RAB27B: variants seen among roughly 807,000 people sequenced by gnomAD.
RAB27B encodes RAB27B, member RAS oncogene family.
RAB27B carries 15 observed loss-of-function variants against 24.6 expected under a neutral mutation model. The observed-to-expected ratio is 0.61, with a 90% confidence interval of 0.41 to 0.94. RAB27B has a LOEUF of 0.94. Among genes scored for constraint, RAB27B ranks in the 40% least tolerant of loss-of-function variants. The pLI is 0.00. For missense variants in RAB27B, 261 were observed against 266.8 expected (o/e 0.98, Z 0.15); for synonymous variants, 105 against 92.5 (o/e 1.14, Z -0.78).
intron 2 of RAB27B, among the ~76,000 whole-genome samples, chr18:54,753,846 C>A (rs1907913276): frequency 6.6e-6 from 1 of 152,056 alleles, no homozygotes; most frequent in South Asian, 2.1e-4. Context: ...AAGTTAATTT[C>A]CAGCCCACCG....
chr18:54,834,600 A>T (rs917050834), intron 1 of RAB27B, among the ~76,000 whole-genome samples: 1 of 151,988 alleles, frequency 6.6e-6, no homozygotes, highest in Non-Finnish European at 1.5e-5. Flanking sequence ...ATAGGTAGAG[A>T]TAGATAAATA....
intron 2 of RAB27B, among the ~76,000 whole-genome samples, chr18:54,786,979 C>T (rs1446116597): frequency 6.6e-6 from 1 of 152,236 alleles, no homozygotes; most frequent in Non-Finnish European, 1.5e-5. Flanking sequence ...TAATAAGACA[C>T]TGAGTTAAGT....
intron 2 of RAB27B, among the ~76,000 whole-genome samples, chr18:54,822,871 C>T (rs545568101): frequency 6.6e-6 from 1 of 152,292 alleles, no homozygotes; most frequent in East Asian, 1.9e-4. Context: ...ATGTGAACAT[C>T]ACTCGTGAAA....
At position 54,895,279 on chromosome 18, in the gene RAB27B, T is replaced by C. The variant is rs570680378; in HGVS notation, c.*5866T>C. On this transcript the variant is annotated 3_prime_UTR_variant, in exon 6 of 6. Transcript: ENST00000262094. ...TATATAGATCTGTTTTGTCTAGTGC[T>C]ATGAATGTAACTTAAAACTATAAAC... 6.6e-6 allele frequency: 1 copy of C among 152,214 alleles called. No individual in the cohort carries two copies. Among genetic ancestry groups the C allele is most frequent in the Admixed American group, 6.6e-5 (1 of 15,260 alleles). The allele number at this position is 152,214 out of a possible 1,614,324, so 9.4% of individuals were successfully genotyped here.
intron 1 of RAB27B, among the ~76,000 whole-genome samples, chr18:54,843,783 A>G (rs1911211476): frequency 6.6e-6 from 1 of 152,248 alleles, no homozygotes; most frequent in Non-Finnish European, 1.5e-5. Context: ...ATGTTAATAT[A>G]AAGTCTTTTC....
intron 2 of RAB27B, among the ~76,000 whole-genome samples, chr18:54,771,089 G>A (rs1016241569): frequency 6.6e-6 from 1 of 152,052 alleles, no homozygotes; most frequent in Non-Finnish European, 1.5e-5. Flanking sequence ...CAGTAAGATG[G>A]GGTGAGCAAG....
chr18:54,878,753 A>T (rs1247359083), intron 2 of RAB27B, among the ~76,000 whole-genome samples: 2 of 83,786 alleles, frequency 2.4e-5, no homozygotes, highest in East Asian at 4.8e-4. Context: ...AAAGGCCAGA[A>T]TTTTTTTAAA....
rs1307535230 is a variant in RAB27B, at chr18:54,891,116, T to TA, written c.*1708dup. ...GTGAAGTTATACACATTGAAGACCCTAAAAATCCCAGTCCATCATTCAGCT... is the reference window on the plus strand; with the variant it reads ...GTGAAGTTATACACATTGAAGACCCTAAAAAATCCCAGTCCATCATTCAGCT... On this transcript the variant is annotated 3_prime_UTR_variant, in exon 6 of 6. Coordinates refer to ENST00000262094, the MANE Select transcript of RAB27B (RefSeq NM_004163.4). The TA allele has an allele frequency of 1.3e-5, 2 of 151,966 alleles. No individual in the cohort carries two copies. Among genetic ancestry groups the TA allele is most frequent in the Non-Finnish European group, 2.9e-5 (2 of 67,978 alleles). 9.4% of individuals were successfully genotyped at this position (151,966 alleles called of 1,614,324 possible).
rs1913284441 is a variant in RAB27B, at chr18:54,889,544, T to C, written c.*131T>C. The C allele has an allele frequency of 1.1e-6, 1 of 882,266 alleles. No homozygotes were observed. The allele number at this position is 882,266 out of a possible 1,614,324, so 54.7% of individuals were successfully genotyped here. A position where few individuals can be genotyped will look rare whatever the true frequency, so the allele number is the denominator to read the frequency against. On this transcript the variant is annotated 3_prime_UTR_variant, in exon 6 of 6. Transcript: ENST00000262094. Reference sequence around the variant, plus strand: ...CTTTCTTTTTCTGCCAGAAAATCTATTTTAAGAAACCAGAATAGTCAACAG... The same window carrying C: ...CTTTCTTTTTCTGCCAGAAAATCTACTTTAAGAAACCAGAATAGTCAACAG...
chr18:54,783,062 A>C (rs1908966121), intron 2 of RAB27B, among the ~76,000 whole-genome samples: 1 of 151,922 alleles, frequency 6.6e-6, no homozygotes, highest in African/African-American at 2.4e-5. Context: ...GGTTCAAACG[A>C]TTCTTCCGCC....
chr18:54,766,420 G>A (rs1031580349), intron 2 of RAB27B, among the ~76,000 whole-genome samples: 1 of 151,976 alleles, frequency 6.6e-6, no homozygotes, highest in Admixed American at 6.6e-5. Flanking sequence ...CTTTGCCTTC[G>A]GTTGCCTTAA....
chr18:54,847,484 C>T (rs183813498), intron 1 of RAB27B, among the ~76,000 whole-genome samples: 2 of 152,204 alleles, frequency 1.3e-5, no homozygotes, highest in Admixed American at 6.5e-5. Context: ...ATAGACTATC[C>T]CAATTAGGAA....
chr18:54,864,867 T>A (rs928709731), intron 1 of RAB27B, among the ~76,000 whole-genome samples: 3 of 152,206 alleles, frequency 2.0e-5, no homozygotes, highest in African/African-American at 7.2e-5. Flanking sequence ...TCAGTCAAGA[T>A]CATTTTGGCT....
chr18:54,853,553 G>A (rs981365617), intron 1 of RAB27B, among the ~76,000 whole-genome samples: 2 of 152,106 alleles, frequency 1.3e-5, no homozygotes, highest in African/African-American at 4.8e-5. Context: ...TGTAAGTATA[G>A]TTTTCTCTAA....
At chr18:54,764,160 T>C (rs946746943) in intron 2 of RAB27B, among the ~76,000 whole-genome samples, 4 of 152,192 alleles carry the variant, frequency 2.6e-5, no homozygotes, top group African/African-American at 9.7e-5. Flanking sequence ...CTAGATGTCA[T>C]TGACCCTGTG....
chr18:54,802,370 A>G (rs1909637501), intron 2 of RAB27B, among the ~76,000 whole-genome samples: 1 of 150,966 alleles, frequency 6.6e-6, no homozygotes, highest in Non-Finnish European at 1.5e-5. Flanking sequence ...TAGCTTTTCC[A>G]CTGGACTTTG....
At chr18:54,818,087 G>C (rs192242291) in intron 2 of RAB27B, among the ~76,000 whole-genome samples, 1 of 152,230 alleles carries the variant, frequency 6.6e-6, no homozygotes. Flanking sequence ...TGATAGCTTA[G>C]AGTCAATTTT....
chr18:54,832,449 C>T (rs1910719444), intron 1 of RAB27B, among the ~76,000 whole-genome samples: 1 of 152,202 alleles, frequency 6.6e-6, no homozygotes, highest in African/African-American at 2.4e-5. Flanking sequence ...CGTTTTTCAA[C>T]ATCCAAGTGG....
chr18:54,803,911 A>T (rs1909687343), intron 2 of RAB27B, among the ~76,000 whole-genome samples: 1 of 152,150 alleles, frequency 6.6e-6, no homozygotes, highest in Non-Finnish European at 1.5e-5. Flanking sequence ...TGATTAGGAA[A>T]GTTTGGAGTT....
Sources: allele counts gnomAD v4.1 joint callset (sites outside exome capture counted in the v4.1 genomes callset), GRCh38; gene constraint gnomAD v4.1.1; transcripts MANE v1.5; gene names NCBI Gene and HGNC (gene_info 2026-07-23, HGNC 2026-07-21).